AGAP1: variants seen among roughly 807,000 people sequenced by gnomAD.
AGAP1 encodes arf-GAP with GTPase, ANK repeat and PH domain-containing protein 1.
AGAP1 carries 29 observed loss-of-function variants against 105.3 expected under a neutral mutation model. The observed-to-expected ratio is 0.28, with a 90% CI of 0.21 to 0.38. The LOEUF (loss-of-function observed/expected upper bound fraction) is 0.38, where lower values mean the gene tolerates loss of function less well. AGAP1 is among the 10% of genes least tolerant of loss of function. The pLI is 1.00. For missense variants in AGAP1, 998 were observed against 1,165.1 expected, an observed-to-expected ratio of 0.86 and a Z score of 2.09; for synonymous variants, 509 against 485.9, an observed-to-expected ratio of 1.05 and a Z score of -0.63.
Position 236,089,058 on chromosome 2 carries a change from C to T in AGAP1, c.2115-31134C>T, listed in dbSNP as rs187188236. On this transcript the variant is annotated intron_variant, in intron 16 of 17. Transcript: ENST00000304032. The surrounding 1 kb of genome is among the most constrained non-coding windows in gnomAD (Gnocchi z 5.6). ...GAAGGTACATCACCACCGTCCATCA[C>T]GTGAAGGAGTAGAAAAAGTGGGATG... is the stretch of plus-strand genomic sequence containing the variant. 2.0e-5 allele frequency among the ~76,000 whole-genome samples: 3 copies of T among 152,264 alleles called. No homozygotes were observed. The highest frequency in any genetic ancestry group is 6.5e-5 in the Admixed American group (1 of 15,292).
In AGAP1 at chr2:235,883,379, A is replaced by G; in HGVS notation, c.1085A>G (p.Asn362Ser). ...MLLKRSGKSL[N>S]KEWKKKYVTL... ...TTGAAGCGAAGTGGCAAATCGTTGAATAAAGAGTGGAAAAAGAAATATGTC... is the reference window on the plus strand; with the variant it reads ...TTGAAGCGAAGTGGCAAATCGTTGAGTAAAGAGTGGAAAAAGAAATATGTC... The change falls in exon 10 of 18, where the codon AAT becomes AGT. Residue 362 changes from asparagine to serine, a missense_variant. By Grantham distance (46) the Asn-to-Ser change is conservative. This residue lies in a region of AGAP1 where 735 missense variants were observed against 833.4 expected (regional missense o/e 0.88). Coordinates refer to ENST00000304032, the MANE Select transcript of AGAP1 (RefSeq NM_001037131.3). This position sits in a 1 kb window ranked among gnomAD's most constrained non-coding sequence, Gnocchi z 4.5. The G allele has an allele frequency of 6.2e-7, 1 of 1,614,108 alleles. No individual in the cohort carries two copies.
rs145122803 is a variant in AGAP1, at chr2:235,763,035, G to GGTGTGTGTGTGTGTGTGT, written c.673+12563_673+12564insGTGTGTGTGTGTGTGTGT. ...CGGGGGCAATGATTGTTAAGGCTCG[G>GGTGTGTGTGTGTGTGTGT]GTGTGTGTGTGTGTGTATGTGTGCG... On this transcript the variant is annotated intron_variant, in intron 6 of 17. Transcript: ENST00000304032. Among the ~76,000 whole-genome samples the GGTGTGTGTGTGTGTGTGT allele has an allele frequency of 3.5e-3, 496 of 140,066 alleles. 4 individuals are homozygous for GGTGTGTGTGTGTGTGTGT. Among genetic ancestry groups the GGTGTGTGTGTGTGTGTGT allele is most frequent in the African/African-American group, 0.012 (471 of 38,780 alleles). 91.9% of individuals were successfully genotyped at this position (140,066 alleles called of 152,430 possible).
chr2:235,878,124 G>T (rs1351739417), intron 9 of AGAP1, among the ~76,000 whole-genome samples: 1 of 152,230 alleles, frequency 6.6e-6, no homozygotes, highest in East Asian at 1.9e-4. Context: ...GTCAGATGGA[G>T]AGTATGGGTG....
Position 236,046,942 on chromosome 2 carries a change from A to G in AGAP1, c.1892-2117A>G, listed in dbSNP as rs2057737064. ...GAGCCCAGTGGTTGAAGCCTGGGCAACATAGCAAGACCCCATCTGTGCAAA... is the reference window on the plus strand; with the variant it reads ...GAGCCCAGTGGTTGAAGCCTGGGCAGCATAGCAAGACCCCATCTGTGCAAA... On this transcript the variant is annotated intron_variant, in intron 15 of 17. Coordinates refer to ENST00000304032, the MANE Select transcript of AGAP1 (RefSeq NM_001037131.3). The surrounding 1 kb of genome is among the most constrained non-coding windows in gnomAD (Gnocchi z 5.2). 6.6e-6 allele frequency among the ~76,000 whole-genome samples: 1 copy of G among 152,328 alleles called. No homozygotes were observed. The highest frequency in any genetic ancestry group is 2.4e-5 in the African/African-American group (1 of 41,586).
intron 6 of AGAP1, among the ~76,000 whole-genome samples, chr2:235,796,210 A>T (rs1957235771): frequency 6.6e-6 from 1 of 152,212 alleles, no homozygotes; most frequent in Non-Finnish European, 1.5e-5. Context: ...GCACTCACCC[A>T]GGCAATTATG....
In AGAP1 at chr2:235,964,444, AAC is replaced by A. The variant is rs2054307994; in HGVS notation, c.1484-4015_1484-4014del. 6.6e-6 allele frequency among the ~76,000 whole-genome samples: 1 copy of A among 152,028 alleles called. No homozygotes were observed. The highest frequency in any genetic ancestry group is 1.5e-5 in the Non-Finnish European group (1 of 68,008). ...ACCATACCTGGCAAAGTGGGCTCCT[AAC>A]ACTGAATAGAGAGGATGGGATGGTA... On this transcript the variant is annotated intron_variant, in intron 12 of 17. Coordinates refer to ENST00000304032, the MANE Select transcript of AGAP1 (RefSeq NM_001037131.3). The surrounding 1 kb of genome is among the most constrained non-coding windows in gnomAD (Gnocchi z 4.6).
intron 1 of AGAP1, among the ~76,000 whole-genome samples, chr2:235,540,148 CTT>C (rs535395155): frequency 2.2e-4 from 28 of 129,092 alleles, no homozygotes; most frequent in African/African-American, 6.5e-4. Context: ...CCTCTCTCCT[CTT>C]TTTTTTTTTT....
chr2:236,022,861 C>A (rs981083984), intron 13 of AGAP1, among the ~76,000 whole-genome samples: 2 of 152,106 alleles, frequency 1.3e-5, no homozygotes, highest in Non-Finnish European at 1.5e-5. Context: ...TCACATCAGT[C>A]TTTTCCTACA....
chr2:235,799,218 A>G lies in AGAP1; in HGVS notation c.802-149A>G. Reference sequence around the variant, plus strand: ...GACTCTGTAGACATGACACTAATACACCTGGCAAAGCCATAGACGCAAGTC... The same window carrying G: ...GACTCTGTAGACATGACACTAATACGCCTGGCAAAGCCATAGACGCAAGTC... On this transcript the variant is annotated intron_variant, in intron 7 of 17. Transcript: ENST00000304032. This position sits in a 1 kb window ranked among gnomAD's most constrained non-coding sequence, Gnocchi z 5.0. 1.3e-6 allele frequency: 1 copy of G among 793,630 alleles called. No homozygotes were observed. The highest frequency in any genetic ancestry group is 2.6e-5 in the East Asian group (1 of 37,976). 49.2% of individuals were successfully genotyped at this position (793,630 alleles called of 1,614,324 possible).
At position 235,686,550 on chromosome 2, in the gene AGAP1, TATATATACACAC is replaced by T. The variant is rs368923839; in HGVS notation, c.164-22627_164-22616del. Among the ~76,000 whole-genome samples, 696 of 90,196 alleles carry T rather than the reference TATATATACACAC, an allele frequency of 7.7e-3. 7 individuals are homozygous for T. The highest frequency in any genetic ancestry group is 0.035 in the African/African-American group (651 of 18,836). The allele number at this position is 90,196 out of a possible 152,430, so 59.2% of individuals were successfully genotyped here. A position where few individuals can be genotyped will look rare whatever the true frequency, so the allele number is the denominator to read the frequency against. On this transcript the variant is annotated intron_variant, in intron 1 of 17. Transcript: ENST00000304032. The stretch of plus-strand genomic sequence containing the variant: ...AATTCTGGTTCCCAGGAAGGAGATA[TATATATACACAC>T]ACACACACACACACACACACACACA...
chr2:235,770,992 G>C (rs939097447), intron 6 of AGAP1, among the ~76,000 whole-genome samples: 2 of 152,184 alleles, frequency 1.3e-5, no homozygotes, highest in Non-Finnish European at 2.9e-5. Context: ...AATAGGGAGG[G>C]AGAAGGGTCC....
intron 1 of AGAP1, among the ~76,000 whole-genome samples, chr2:235,685,802 T>C (rs910162874): frequency 6.6e-6 from 1 of 152,110 alleles, no homozygotes; most frequent in Non-Finnish European, 1.5e-5. Context: ...GGATGTGCGC[T>C]CATTAACACA....
At position 236,005,125 on chromosome 2, in the gene AGAP1, T is replaced by TTGTGTG. The variant is rs148902167; in HGVS notation, c.1646-31426_1646-31421dup. Among the ~76,000 whole-genome samples, 2 of 149,926 alleles carry TTGTGTG rather than the reference T, an allele frequency of 1.3e-5. No homozygotes were observed. Among genetic ancestry groups the TTGTGTG allele is most frequent in the Admixed American group, 6.6e-5 (1 of 15,158 alleles). On this transcript the variant is annotated intron_variant, in intron 13 of 17. Transcript: ENST00000304032. The surrounding 1 kb of genome is among the most constrained non-coding windows in gnomAD (Gnocchi z 4.1). The stretch of plus-strand genomic sequence containing the variant: ...CCCCCTGACAAGTTTCCCATGTTTT[T>TTGTGTG]TGTGTGTGTGTGTGTTTTGGTTTTT...
At chr2:235,711,676 C>T (rs995503295) in intron 2 of AGAP1, among the ~76,000 whole-genome samples, 1 of 152,158 alleles carries the variant, frequency 6.6e-6, no homozygotes, top group Middle Eastern at 3.2e-3. Flanking sequence ...GTGGCATCAG[C>T]GGGCACTCGT....
intron 1 of AGAP1, among the ~76,000 whole-genome samples, chr2:235,693,295 C>T (rs1949829778): frequency 6.6e-6 from 1 of 152,138 alleles, no homozygotes. Context: ...TGGGGTAGTA[C>T]TCAAAGCTAT....
intron 1 of AGAP1, among the ~76,000 whole-genome samples, chr2:235,498,651 G>A (rs745643851): frequency 3.3e-5 from 5 of 152,176 alleles, no homozygotes; most frequent in Admixed American, 2.6e-4. Context: ...GTCACACATC[G>A]TAATTCAGCT....
At chr2:235,564,149 T>G (rs758444299) in intron 1 of AGAP1, among the ~76,000 whole-genome samples, 1 of 152,210 alleles carries the variant, frequency 6.6e-6, no homozygotes, top group Non-Finnish European at 1.5e-5. Context: ...TTTTAAAATT[T>G]ATTTATGATC....
intron 16 of AGAP1, among the ~76,000 whole-genome samples, chr2:236,077,687 C>T (rs2125822779): frequency 6.6e-6 from 1 of 152,336 alleles, no homozygotes; most frequent in South Asian, 2.1e-4. Flanking sequence ...GCCGTCATTA[C>T]ATAGTCATCC....
rs1946007913 is a variant in AGAP1 at position 235,608,114 on chromosome 2, A to G, written c.164-101065A>G. Among the ~76,000 whole-genome samples the G allele has an allele frequency of 6.7e-6, 1 of 149,856 alleles. No homozygotes were observed. The highest frequency in any genetic ancestry group is 1.5e-5 in the Non-Finnish European group (1 of 67,658). On this transcript the variant is annotated intron_variant, in intron 1 of 17. Transcript: ENST00000304032. The surrounding 1 kb of genome is among the most constrained non-coding windows in gnomAD (Gnocchi z 5.4). ...TCTGCACGTTGACCGGGTCGTTTTT[A>G]GCTTTGCCCACTTTTCATTTTTGGC... is the stretch of plus-strand genomic sequence containing the variant.
Sources: gnomAD v4.1 joint callset for allele counts (sites outside exome capture counted in the v4.1 genomes callset) on GRCh38, gnomAD v4.1.1 for gene constraint, gnomAD v4.1.1 regional missense constraint, Gnocchi (gnomAD v3.1) non-coding constraint, MANE v1.5 for transcripts, NCBI Gene and HGNC (gene_info 2026-07-23, HGNC 2026-07-21) for gene names.